Variants in PTPRD observed in about 807,000 individuals in gnomAD.
The protein encoded by PTPRD is protein tyrosine phosphatase receptor type D.
PTPRD carries 34 observed loss-of-function variants against 214.5 expected under a neutral mutation model. That is an observed-to-expected ratio of 0.16 (90% confidence interval 0.12 to 0.21). PTPRD has a LOEUF of 0.21. Among genes scored for constraint, PTPRD ranks in the 10% least tolerant of loss-of-function variants. The pLI, the probability that PTPRD is intolerant of heterozygous loss-of-function variation, is 1.00. For synonymous variants in PTPRD, 1,128 were observed against 845.7 expected (o/e 1.33, Z -5.79); for missense variants, 2,545 against 2,398.7 (o/e 1.06, Z -1.27).
At chr9:8,403,128 A>G (rs929665241) in intron 36 of PTPRD, among the ~76,000 whole-genome samples, 5 of 152,198 alleles carry the variant, frequency 3.3e-5, no homozygotes, top group Non-Finnish European at 4.4e-5. Flanking sequence ...AAGCTTTTAA[A>G]CAGTTTCACT....
chr9:9,718,641 C>T (rs2097877690), intron 7 of PTPRD, among the ~76,000 whole-genome samples: 1 of 152,242 alleles, frequency 6.6e-6, no homozygotes, highest in Admixed American at 6.5e-5. Flanking sequence ...CTCCAAGCAC[C>T]TGCTCTGTGG....
At chr9:9,419,115 G>C (rs996723605) in intron 8 of PTPRD, among the ~76,000 whole-genome samples, 1 of 138,800 alleles carries the variant, frequency 7.2e-6, no homozygotes, top group Admixed American at 7.7e-5. Context: ...GAATTCTAAA[G>C]ATAGGCCCCT....
At chr9:9,188,409 A>G (rs1230355176) in intron 9 of PTPRD, among the ~76,000 whole-genome samples, 1 of 152,060 alleles carries the variant, frequency 6.6e-6, no homozygotes, top group Non-Finnish European at 1.5e-5. Flanking sequence ...CTGGTTACGT[A>G]TATGTTAAAT....
chr9:10,352,727 AT>A (rs2097203874), intron 2 of PTPRD, among the ~76,000 whole-genome samples: 1 of 152,038 alleles, frequency 6.6e-6, no homozygotes, highest in Non-Finnish European at 1.5e-5. Flanking sequence ...AAGTGGTTAT[AT>A]TTCTATTGCT....
chr9:9,338,725 G>C (rs551220837), intron 9 of PTPRD, among the ~76,000 whole-genome samples: 1 of 151,888 alleles, frequency 6.6e-6, no homozygotes, highest in East Asian at 1.9e-4. Context: ...AAAGTTTTGG[G>C]ACACATGTGC....
intron 6 of PTPRD, among the ~76,000 whole-genome samples, chr9:9,765,517 C>T (rs1255959987): frequency 1.3e-5 from 2 of 152,130 alleles, no homozygotes; most frequent in Non-Finnish European, 2.9e-5. Context: ...GCTGGAAGAA[C>T]CTTGAATAGG....
intron 5 of PTPRD, among the ~76,000 whole-genome samples, chr9:9,856,253 T>C (rs1235532453): frequency 6.6e-6 from 1 of 152,032 alleles, no homozygotes; most frequent in East Asian, 1.9e-4. Context: ...CAGATGAGCT[T>C]AGGGTCTTTA....
intron 5 of PTPRD, among the ~76,000 whole-genome samples, chr9:9,875,139 G>C (rs2066490497): frequency 6.6e-6 from 1 of 152,006 alleles, no homozygotes; most frequent in Non-Finnish European, 1.5e-5. Context: ...GCATTCTCTA[G>C]TCAGTTTACC....
intron 11 of PTPRD, among the ~76,000 whole-genome samples, chr9:8,734,228 C>T (rs973607503): frequency 3.3e-5 from 5 of 152,194 alleles, no homozygotes; most frequent in African/African-American, 1.2e-4. Flanking sequence ...TCATTCTTTG[C>T]TTATGCCACC....
At chr9:9,907,882 A>G (rs960197692) in intron 5 of PTPRD, among the ~76,000 whole-genome samples, 5 of 152,044 alleles carry the variant, frequency 3.3e-5, no homozygotes, top group African/African-American at 9.7e-5. Flanking sequence ...TGTATTATAG[A>G]ATTATAAATT....
At chr9:9,463,121 G>A (rs2146001265) in intron 8 of PTPRD, among the ~76,000 whole-genome samples, 1 of 152,224 alleles carries the variant, frequency 6.6e-6, no homozygotes, top group South Asian at 2.1e-4. Context: ...TCTTCAGACT[G>A]AACCACAGGT....
intron 9 of PTPRD, among the ~76,000 whole-genome samples, chr9:9,266,606 A>G (rs1939843254): frequency 1.3e-5 from 2 of 151,378 alleles, no homozygotes; most frequent in Non-Finnish European, 1.5e-5. Context: ...AATAAGTAGA[A>G]TAAGTGGTAT....
At chr9:9,098,420 C>T (rs974831973) in intron 10 of PTPRD, among the ~76,000 whole-genome samples, 1 of 152,006 alleles carries the variant, frequency 6.6e-6, no homozygotes, top group Admixed American at 6.6e-5. Flanking sequence ...CCACACCTGG[C>T]TAATTTTTAG....
intron 14 of PTPRD, among the ~76,000 whole-genome samples, chr9:8,627,088 C>A (rs931050136): frequency 2.0e-5 from 3 of 151,728 alleles, no homozygotes; most frequent in Non-Finnish European, 4.4e-5. Context: ...ATGCCCCAAC[C>A]CAGCAGTCTC....
chr9:9,371,294 G>C (rs532856736), intron 9 of PTPRD, among the ~76,000 whole-genome samples: 1 of 152,078 alleles, frequency 6.6e-6, no homozygotes, highest in African/African-American at 2.4e-5. Flanking sequence ...TTCAGAGCCT[G>C]TTATTGGTCT....
intron 8 of PTPRD, among the ~76,000 whole-genome samples, chr9:9,572,079 A>G (rs939341388): frequency 5.3e-5 from 8 of 151,396 alleles, no homozygotes; most frequent in Admixed American, 1.3e-4. Context: ...ACAGAAATAA[A>G]TCAAAATTAA....
At chr9:9,987,890 G>A (rs1167599515) in intron 4 of PTPRD, among the ~76,000 whole-genome samples, 1 of 152,030 alleles carries the variant, frequency 6.6e-6, no homozygotes, top group East Asian at 1.9e-4. Flanking sequence ...TTTTGCAGAA[G>A]GAATGTTATT....
chr9:8,812,260 G>GCTC (rs2096824293), intron 11 of PTPRD, among the ~76,000 whole-genome samples: 1 of 152,072 alleles, frequency 6.6e-6, no homozygotes, highest in South Asian at 2.1e-4. Flanking sequence ...ACAGATAGAT[G>GCTC]TACATATATA....
At chr9:8,366,997 G>T (rs1051739163) in intron 39 of PTPRD, among the ~76,000 whole-genome samples, 1 of 152,128 alleles carries the variant, frequency 6.6e-6, no homozygotes, top group African/African-American at 2.4e-5. Context: ...CAGTAATGGT[G>T]GCACATCTTT....
Sources: allele counts gnomAD v4.1 joint callset (sites outside exome capture counted in the v4.1 genomes callset), GRCh38; gene constraint gnomAD v4.1.1; transcripts MANE v1.5; gene names NCBI Gene and HGNC (gene_info 2026-07-23, HGNC 2026-07-21).